The following NRP2 variants were observed in gnomAD, a reference collection of about 807,000 sequenced individuals.
NRP2 encodes neuropilin 2, also known as neuropilin-2.
A neutral mutation model predicts 110.4 loss-of-function variants in NRP2; 52 were observed. That is an observed-to-expected ratio of 0.47 (90% CI 0.38 to 0.59). The LOEUF (loss-of-function observed/expected upper bound fraction) is 0.59, where lower values mean the gene tolerates loss of function less well. NRP2 is among the 20% of genes least tolerant of loss of function. NRP2 has a pLI of 0.00. For synonymous variants in NRP2, 508 were observed against 468.9 expected, an observed-to-expected ratio of 1.08 and a Z score of -1.08; for missense variants, 1,049 against 1,203.0, an observed-to-expected ratio of 0.87 and a Z score of 1.89.
chr2:205,687,423 G>A (rs2056197452), intron 1 of NRP2, among the ~76,000 whole-genome samples: 1 of 88,018 alleles, frequency 1.1e-5, no homozygotes, highest in Admixed American at 1.5e-4. Context: ...CACATTAAAT[G>A]GGTACCCAGT....
chr2:205,710,696 G>A (rs906566658), intron 2 of NRP2, among the ~76,000 whole-genome samples: 6 of 152,134 alleles, frequency 3.9e-5, no homozygotes, highest in African/African-American at 9.7e-5. Context: ...TTTAGACATC[G>A]TGCAGCTTCT....
intron 15 of NRP2, among the ~76,000 whole-genome samples, chr2:205,784,347 T>C (rs1158787953): frequency 1.3e-5 from 2 of 152,200 alleles, no homozygotes; most frequent in Admixed American, 1.3e-4. Flanking sequence ...AAGAAACTTT[T>C]TGTCTCTTTG....
intron 7 of NRP2, among the ~76,000 whole-genome samples, chr2:205,735,637 TGGGATGCTG>T (rs940948007): frequency 1.3e-5 from 2 of 150,988 alleles, no homozygotes; most frequent in African/African-American, 4.9e-5. Context: ...ACAACCAAAC[TGGGATGCTG>T]GATAGCAGCT....
intron 8 of NRP2, among the ~76,000 whole-genome samples, chr2:205,742,067 G>A (rs1020390058): frequency 6.6e-6 from 1 of 152,204 alleles, no homozygotes; most frequent in African/African-American, 2.4e-5. Flanking sequence ...TCCCTTCCCT[G>A]TTGCTGTTCC....
chr2:205,729,457 G>T (rs2057193774), intron 7 of NRP2, among the ~76,000 whole-genome samples: 1 of 152,230 alleles, frequency 6.6e-6, no homozygotes, highest in South Asian at 2.1e-4. Flanking sequence ...CCAGGAGCTT[G>T]GGGGCTGAGA....
intron 15 of NRP2, among the ~76,000 whole-genome samples, chr2:205,791,461 C>G (rs3770990): frequency 0.36 from 54,348 of 152,080 alleles, 10,499 homozygotes; most frequent in South Asian, 0.62. Flanking sequence ...TTCAGTGGTT[C>G]TGATTTCTAT....
chr2:205,751,849 G>A (rs1417074339), intron 11 of NRP2, among the ~76,000 whole-genome samples: 4 of 152,192 alleles, frequency 2.6e-5, no homozygotes. Context: ...ACCAACATTA[G>A]CCAACATTTT....
At chr2:205,699,868 C>T (rs970127398) in intron 2 of NRP2, among the ~76,000 whole-genome samples, 2 of 152,186 alleles carry the variant, frequency 1.3e-5, no homozygotes, top group African/African-American at 4.8e-5. Context: ...GTCTGTTTCT[C>T]CCAGTGCCAA....
intron 2 of NRP2, among the ~76,000 whole-genome samples, chr2:205,703,833 C>G (rs931540702): frequency 2.0e-5 from 3 of 152,166 alleles, no homozygotes; most frequent in African/African-American, 7.2e-5. Context: ...AATTTCTTAA[C>G]CAGTGAGCAT....
intron 15 of NRP2, among the ~76,000 whole-genome samples, chr2:205,783,858 G>T (rs1355006165): frequency 6.6e-6 from 1 of 152,184 alleles, no homozygotes; most frequent in Non-Finnish European, 1.5e-5. Context: ...GAGTGTGTGT[G>T]GCTATATAGG....
intron 15 of NRP2, among the ~76,000 whole-genome samples, chr2:205,769,864 G>T (rs111449422): frequency 0.017 from 2,585 of 152,248 alleles, 36 homozygotes; most frequent in South Asian, 0.027. Flanking sequence ...TAATTAAGGT[G>T]ATGGATTATT....
rs1200038791 is a variant in NRP2, at chr2:205,743,462, C to T, written c.1551C>T (p.Ala517=). The part of the protein sequence containing the change: ...RGGDSITAVE[A]RAFVRKFKVS... ...GAGACAGTATCACTGCTGTGGAAGC[C>T]AGAGCATTTGTGCGCAAGTTCAAAG... is the stretch of plus-strand genomic sequence containing the variant. Residue 517 remains alanine, a synonymous_variant, in exon 9 of 17, where the codon GCC becomes GCT. Coordinates refer to ENST00000357785, the MANE Select transcript of NRP2 (RefSeq NM_003872.3). 1 of 1,614,188 alleles carries T rather than the reference C, an allele frequency of 6.2e-7. No individual in the cohort carries two copies. Among genetic ancestry groups the T allele is most frequent in the East Asian group, 2.2e-5 (1 of 44,872 alleles).
chr2:205,734,726 A>T (rs926029884), intron 7 of NRP2, among the ~76,000 whole-genome samples: 1 of 152,156 alleles, frequency 6.6e-6, no homozygotes, highest in Admixed American at 6.5e-5. Context: ...GTCTGTGCCA[A>T]GTACATTGAA....
chr2:205,772,396 T>A (rs1211557647), intron 15 of NRP2, among the ~76,000 whole-genome samples: 1 of 152,224 alleles, frequency 6.6e-6, no homozygotes, highest in Non-Finnish European at 1.5e-5. Context: ...TTCTCAAAAT[T>A]CAAATTCTTT....
intron 14 of NRP2, among the ~76,000 whole-genome samples, chr2:205,765,971 G>A (rs2057911382): frequency 6.6e-6 from 1 of 152,216 alleles, no homozygotes; most frequent in Non-Finnish European, 1.5e-5. Flanking sequence ...TAGTACATAT[G>A]TTATGTAAGA....
intron 3 of NRP2, among the ~76,000 whole-genome samples, chr2:205,718,201 C>A (rs1423816860): frequency 3.9e-5 from 6 of 152,184 alleles, no homozygotes; most frequent in African/African-American, 7.2e-5. Context: ...CAGCCTTGGT[C>A]TCACACCACC....
At position 205,776,179 on chromosome 2, in the gene NRP2, T is replaced by A. The variant is rs770920893; in HGVS notation, c.2425+9376T>A. On this transcript the variant is annotated intron_variant, in intron 15 of 16. Transcript: ENST00000357785. ...GCATGTGTGTGTTTCTTTCTTTTTT[T>A]AAATTAGTCTTTTGATTAGTCTGCA... 27 of 1,464,116 alleles carry A rather than the reference T, an allele frequency of 1.8e-5. No homozygotes were observed. The South Asian group carries it at 2.3e-4, about 12-fold the overall frequency. The allele number at this position is 1,464,116 out of a possible 1,614,324, so 90.7% of individuals were successfully genotyped here. A position where few individuals can be genotyped will look rare whatever the true frequency, so the allele number is the denominator to read the frequency against.
intron 15 of NRP2, chr2:205,779,287 A>G (rs2058145674): frequency 6.6e-6 from 1 of 152,222 alleles, no homozygotes; most frequent in Non-Finnish European, 1.5e-5. Context: ...TATGCTAGCA[A>G]TTGCCATCAC....
intron 1 of NRP2, among the ~76,000 whole-genome samples, chr2:205,687,870 C>T (rs1438686234): frequency 1.3e-5 from 2 of 152,294 alleles, no homozygotes; most frequent in South Asian, 2.1e-4. Flanking sequence ...GGCACGAATA[C>T]AAATGACAGT....
Sources: gnomAD v4.1 joint callset for allele counts (sites outside exome capture counted in the v4.1 genomes callset) on GRCh38, gnomAD v4.1.1 for gene constraint, MANE v1.5 for transcripts, NCBI Gene and HGNC (gene_info 2026-07-23, HGNC 2026-07-21) for gene names.